Variants in ELL2 observed in about 807,000 individuals in gnomAD.
ELL2 encodes the protein elongation factor for RNA polymerase II 2, also known as RNA polymerase II elongation factor ELL2.
In ELL2, 21 loss-of-function variants were observed where a neutral mutation model predicts 72.8. That is an observed-to-expected ratio of 0.29 (90% CI 0.20 to 0.42). ELL2 has a LOEUF of 0.42. Ranked by LOEUF, ELL2 falls within the 10% of genes least tolerant of loss-of-function variation. The pLI, the probability that ELL2 is intolerant of heterozygous loss-of-function variation, is 1.00. For missense variants in ELL2, 568 were observed against 772.8 expected (o/e 0.73, Z 3.14); for synonymous variants, 266 against 283.2 (o/e 0.94, Z 0.61).
At chr5:95,950,917 T>C (rs867330591) in intron 1 of ELL2, among the ~76,000 whole-genome samples, 4,602 of 85,546 alleles carry the variant, frequency 0.054, 251 homozygotes, top group African/African-American at 0.062. Context: ...TATATATATA[T>C]ATATATATAT....
Position 95,950,901 on chromosome 5 carries a change from T to C in ELL2, c.148-7852A>G, listed in dbSNP as rs200448825. On this transcript the variant is annotated intron_variant, in intron 1 of 11. Transcript: ENST00000237853. ...TTATATATATATATGTATGTATGTA[T>C]GTGTATATATATATATATATATATA... 3.6e-4 allele frequency among the ~76,000 whole-genome samples: 16 copies of C among 45,050 alleles called. 1 individual carries two copies. Among genetic ancestry groups the C allele is most frequent in the African/African-American group, 1.6e-3 (8 of 5,092 alleles). 29.6% of individuals were successfully genotyped at this position (45,050 alleles called of 152,430 possible).
At chr5:95,894,817 G>C (rs1279708039) in intron 9 of ELL2, among the ~76,000 whole-genome samples, 2 of 152,114 alleles carry the variant, frequency 1.3e-5, no homozygotes, top group Non-Finnish European at 1.5e-5. Context: ...GTTTAACATT[G>C]TCCACCATGA....
chr5:95,958,362 C>G lies in ELL2; in HGVS notation c.147+3213G>C, dbSNP rs141199123. Reference sequence around the variant, plus strand: ...GGATAAAAGCTCAGCCAGATGCCTACTGCTAGCAACTCTTACTGTGCCCAT... The same window carrying G: ...GGATAAAAGCTCAGCCAGATGCCTAGTGCTAGCAACTCTTACTGTGCCCAT... On this transcript the variant is annotated intron_variant, in intron 1 of 11. Transcript: ENST00000237853. Among the ~76,000 whole-genome samples, 22 of 152,324 alleles carry G rather than the reference C, an allele frequency of 1.4e-4. No homozygotes were observed. The East Asian group carries it at 4.0e-3, about 28-fold the overall frequency.
At chr5:95,910,463 T>A (rs1749545760) in intron 4 of ELL2, among the ~76,000 whole-genome samples, 1 of 152,138 alleles carries the variant, frequency 6.6e-6, no homozygotes, top group South Asian at 2.1e-4. Context: ...TTTTTTTTTT[T>A]ATATCAGTGT....
intron 3 of ELL2, among the ~76,000 whole-genome samples, chr5:95,918,933 T>C (rs1749939541): frequency 6.6e-6 from 1 of 151,604 alleles, no homozygotes; most frequent in East Asian, 1.9e-4. Context: ...ACTGGGTTAA[T>C]TTCTAGTTTC....
chr5:95,961,639 G>C lies in ELL2; in HGVS notation c.83C>G (p.Thr28Ser). ...CTCGGTGAGCTTCACATGCAGTACG[G>C]TGATGTTGTCCTGCCCCAGCCGTCC... ...SCGRLGQDNITVLHVKLTETA... is the reference protein window; with the variant it reads ...SCGRLGQDNISVLHVKLTETA... Residue 28 changes from threonine to serine, a missense_variant, in exon 1 of 12, where the codon ACC (threonine) becomes AGC (serine). Physicochemically the swap from Thr to Ser is moderately conservative, Grantham distance 58. This residue lies in a region of ELL2 where 57 missense variants were observed against 44.4 expected (regional missense o/e 1.28). Coordinates refer to ENST00000237853, the MANE Select transcript of ELL2 (RefSeq NM_012081.6). 6.2e-7 allele frequency: 1 copy of C among 1,610,658 alleles called. No individual in the cohort carries two copies. Among genetic ancestry groups the C allele is most frequent in the Middle Eastern group, 1.7e-4 (1 of 6,020 alleles).
chr5:95,899,087 C>T (rs3777200), intron 7 of ELL2, among the ~76,000 whole-genome samples: 47,820 of 152,032 alleles, frequency 0.31, 7,976 homozygotes, highest in African/African-American at 0.43. Flanking sequence ...TCTTGAAGTG[C>T]TTACTGAATT....
Position 95,911,812 on chromosome 5 carries a change from G to A in ELL2, c.481+1959C>T, listed in dbSNP as rs140134986. 1.4e-4 allele frequency among the ~76,000 whole-genome samples: 22 copies of A among 152,314 alleles called. No homozygotes were observed. The East Asian group carries it at 4.2e-3, about 29-fold the overall frequency. On this transcript the variant is annotated intron_variant, in intron 4 of 11. Coordinates refer to ENST00000237853, the MANE Select transcript of ELL2 (RefSeq NM_012081.6). ...TTGACCTAGAGAATAAAAGGCTGAG[G>A]AGGTTAAGAAAAGATTTATGACCAC... is the stretch of plus-strand genomic sequence containing the variant.
At chr5:95,957,653 C>T (rs549936875) in intron 1 of ELL2, among the ~76,000 whole-genome samples, 1 of 152,300 alleles carries the variant, frequency 6.6e-6, no homozygotes, top group South Asian at 2.1e-4. Context: ...GCTGGACTCA[C>T]AATGCCCCTC....
chr5:95,935,602 T>C (rs561458843), intron 2 of ELL2, among the ~76,000 whole-genome samples: 1 of 152,340 alleles, frequency 6.6e-6, no homozygotes, highest in African/African-American at 2.4e-5. Context: ...TGAAAATCCT[T>C]TTGTTCCAAT....
At chr5:95,922,581 C>T (rs1489363924) in intron 2 of ELL2, among the ~76,000 whole-genome samples, 2 of 152,312 alleles carry the variant, frequency 1.3e-5, no homozygotes, top group East Asian at 1.9e-4. Flanking sequence ...TTTCCTTTCT[C>T]ATCCTCCAAA....
Position 95,894,224 on chromosome 5 carries a change from G to A in ELL2, c.1589+1404C>T, listed in dbSNP as rs189560895. On this transcript the variant is annotated intron_variant, in intron 9 of 11. Transcript: ENST00000237853. Reference sequence around the variant, plus strand: ...CATCGCACTCCAGCCTGGGCAACAAGAGCGAAATTCCGTCTCAAAAACAAA... The same window carrying A: ...CATCGCACTCCAGCCTGGGCAACAAAAGCGAAATTCCGTCTCAAAAACAAA... Among the ~76,000 whole-genome samples, 4 of 152,218 alleles carry A rather than the reference G, an allele frequency of 2.6e-5. No individual in the cohort carries two copies. The South Asian group carries it at 8.3e-4, about 32-fold the overall frequency.
At position 95,919,521 on chromosome 5, in the gene ELL2, G is replaced by T; in HGVS notation, c.220C>A (p.Pro74Thr). Residue 74 changes from proline (P) to threonine (T), a missense_variant, in exon 3 of 12, where the codon CCC (proline) becomes ACC (threonine). By Grantham distance (38) the Pro-to-Thr change is conservative. Coordinates refer to ENST00000237853, the MANE Select transcript of ELL2 (RefSeq NM_012081.6). The part of the protein sequence containing the change: ...HGLVKIPKND[P>T]LNEVHNFNFY... ...TTAAAGTTATGAACTTCATTGAGGG[G>T]ATCATTTTTGGGAATTTTGACAAGC... 6.4e-7 allele frequency: 1 copy of T among 1,565,096 alleles called. No individual in the cohort carries two copies. Among genetic ancestry groups the T allele is most frequent in the Non-Finnish European group, 8.6e-7 (1 of 1,163,538 alleles).
intron 1 of ELL2, among the ~76,000 whole-genome samples, chr5:95,956,828 A>G (rs1416499177): frequency 1.3e-5 from 2 of 152,262 alleles, no homozygotes; most frequent in South Asian, 2.1e-4. Flanking sequence ...ATAAGAACTT[A>G]TGCTTTGTAA....
chr5:95,889,188 C>T, intron 10 of ELL2, 58 bp from the exon 11 acceptor site: 1 of 1,336,156 alleles, frequency 7.5e-7, no homozygotes, highest in Non-Finnish European at 1.1e-6. Flanking sequence ...TGTGGCAATA[C>T]AAATAGATAA....
At chr5:95,906,927 T>C in intron 4 of ELL2, 145 bp from the exon 5 acceptor site, 1 of 769,082 alleles carries the variant, frequency 1.3e-6, no homozygotes, top group Non-Finnish European at 1.9e-6. Context: ...TAAGAAGGCA[T>C]GCAAACAGAA....
rs191979000 is a variant in ELL2, at chr5:95,906,401, G to T, written c.741+122C>A. 1,741 of 1,085,704 alleles carry T rather than the reference G, an allele frequency of 1.6e-3. 2 individuals carry two copies. The highest frequency in any genetic ancestry group is 1.9e-3 in the Non-Finnish European group (1,482 of 779,894). The allele number at this position is 1,085,704 out of a possible 1,614,324, so 67.3% of individuals were successfully genotyped here. On this transcript the variant is annotated intron_variant, in intron 5 of 11. Transcript: ENST00000237853. Reference sequence around the variant, plus strand: ...CAGGAGTTGTATTTCACATACCACTGATCAAAATAATCCTAAAATTTCTCT... The same window carrying T: ...CAGGAGTTGTATTTCACATACCACTTATCAAAATAATCCTAAAATTTCTCT...
chr5:95,914,706 A>G (rs572338018), intron 3 of ELL2, among the ~76,000 whole-genome samples: 67 of 152,234 alleles, frequency 4.4e-4, no homozygotes, highest in African/African-American at 1.5e-3. Context: ...TTAGCTGGGC[A>G]TGGTGGCGTG....
chr5:95,891,432 C>G (rs534112299), intron 9 of ELL2, among the ~76,000 whole-genome samples, 158 bp from the exon 10 acceptor site: 3 of 152,216 alleles, frequency 2.0e-5, no homozygotes, highest in Admixed American at 6.5e-5. Context: ...CTCCTCCAAA[C>G]ATCTTCCAGG....
Sources: gnomAD v4.1 joint callset for allele counts (sites outside exome capture counted in the v4.1 genomes callset) on GRCh38, gnomAD v4.1.1 for gene constraint, gnomAD v4.1.1 regional missense constraint, MANE v1.5 for transcripts, NCBI Gene and HGNC (gene_info 2026-07-23, HGNC 2026-07-21) for gene names.